The following FGF12 variants were observed in gnomAD, a reference collection of about 807,000 sequenced individuals.
FGF12 encodes the protein fibroblast growth factor 12B.
Under a neutral mutation model 23.6 loss-of-function variants are expected in FGF12, and 14 were observed. The ratio of observed to expected loss-of-function variants is 0.59; its 90% CI spans 0.39 to 0.93. The LOEUF (loss-of-function observed/expected upper bound fraction) is 0.93. Ranked by LOEUF, FGF12 falls within the 40% of genes least tolerant of loss-of-function variation. The pLI, the probability that FGF12 is intolerant of heterozygous loss-of-function variation, is 0.00. For synonymous variants in FGF12, 62 were observed against 77.3 expected (o/e 0.80, Z 1.04); for missense variants, 175 against 217.8 (o/e 0.80, Z 1.24).
At chr3:192,474,746 G>A (rs1205543232) in intron 2 of FGF12, among the ~76,000 whole-genome samples, 1 of 152,026 alleles carries the variant, frequency 6.6e-6, no homozygotes, top group Non-Finnish European at 1.5e-5. Flanking sequence ...TTAGCCAGGT[G>A]TGGTGATGTG....
intron 2 of FGF12, among the ~76,000 whole-genome samples, chr3:192,694,914 G>A (rs371852799): frequency 6.6e-6 from 1 of 152,028 alleles, no homozygotes; most frequent in African/African-American, 2.4e-5. Context: ...AGGGTAAAGA[G>A]TTGCAGTTGT....
At chr3:192,181,665 C>T (rs1716186654) in intron 4 of FGF12, among the ~76,000 whole-genome samples, 1 of 149,534 alleles carries the variant, frequency 6.7e-6, no homozygotes. Context: ...GGTTTCACTC[C>T]TGTTGCCCAG....
At chr3:192,538,529 G>T (rs1204073365) in intron 2 of FGF12, among the ~76,000 whole-genome samples, 4 of 152,202 alleles carry the variant, frequency 2.6e-5, no homozygotes, top group Admixed American at 6.5e-5. Flanking sequence ...TAGCTCTGTA[G>T]TACAATTTGA....
At chr3:192,244,920 T>G (rs1719807624) in intron 4 of FGF12, 2 of 152,192 alleles carry the variant, frequency 1.3e-5, no homozygotes, top group African/African-American at 4.8e-5. Context: ...CTATACAGAC[T>G]GGGGATTCTA....
chr3:192,472,125 T>C (rs1723192045), intron 2 of FGF12, among the ~76,000 whole-genome samples: 1 of 152,124 alleles, frequency 6.6e-6, no homozygotes, highest in Non-Finnish European at 1.5e-5. Flanking sequence ...CAAGCAATTC[T>C]CCTGCCTCAG....
chr3:192,201,341 A>G (rs1717356385), intron 4 of FGF12, among the ~76,000 whole-genome samples: 1 of 152,236 alleles, frequency 6.6e-6, no homozygotes, highest in South Asian at 2.1e-4. Flanking sequence ...TGAAATGGAA[A>G]TATTCAGAAA....
At chr3:192,315,221 C>T (rs550242996) in intron 4 of FGF12, among the ~76,000 whole-genome samples, 1 of 152,262 alleles carries the variant, frequency 6.6e-6, no homozygotes, top group South Asian at 2.1e-4. Flanking sequence ...TATCATTGTT[C>T]TTATTTGACC....
At chr3:192,392,338 G>A (rs943721570) in intron 2 of FGF12, among the ~76,000 whole-genome samples, 6 of 151,920 alleles carry the variant, frequency 3.9e-5, no homozygotes, top group African/African-American at 1.2e-4. Flanking sequence ...GGAGGCCAAG[G>A]TGGGCTGATC....
intron 2 of FGF12, among the ~76,000 whole-genome samples, chr3:192,613,404 A>G (rs1388084143): frequency 6.6e-6 from 1 of 151,950 alleles, no homozygotes; most frequent in Non-Finnish European, 1.5e-5. Context: ...GAACAGTACG[A>G]TGAGAAAGTG....
intron 4 of FGF12, among the ~76,000 whole-genome samples, chr3:192,186,401 T>C (rs1204772120): frequency 6.6e-6 from 1 of 152,240 alleles, no homozygotes; most frequent in Non-Finnish European, 1.5e-5. Context: ...TGCTGTTTGA[T>C]AAATACTTAG....
At chr3:192,285,690 G>A (rs1714408999) in intron 4 of FGF12, among the ~76,000 whole-genome samples, 1 of 151,984 alleles carries the variant, frequency 6.6e-6, no homozygotes, top group Admixed American at 6.6e-5. Flanking sequence ...TGGTGTTTAT[G>A]CTGTGAACCA....
At chr3:192,221,292 A>T (rs570328237) in intron 4 of FGF12, among the ~76,000 whole-genome samples, 2 of 152,356 alleles carry the variant, frequency 1.3e-5, no homozygotes, top group East Asian at 3.9e-4. Context: ...CTCACCTTAA[A>T]GCCACAAATT....
At chr3:192,537,587 GTCT>G (rs1420689184) in intron 2 of FGF12, among the ~76,000 whole-genome samples, 1 of 152,146 alleles carries the variant, frequency 6.6e-6, no homozygotes, top group Non-Finnish European at 1.5e-5. Flanking sequence ...CACTTCGCAT[GTCT>G]TCTTTTGAGA....
At chr3:192,662,892 C>T (rs1433623719) in intron 2 of FGF12, among the ~76,000 whole-genome samples, 2 of 152,194 alleles carry the variant, frequency 1.3e-5, no homozygotes, top group Admixed American at 6.5e-5. Flanking sequence ...CTCCAAAGAT[C>T]GTTGGGAGAC....
rs111447729 is a variant in FGF12, at chr3:192,564,037, G to GTT, written c.13+163142_13+163143dup. ...AAAATTAGACTATGTGTAGTTTTTT[G>GTT]TTTTTTTTTGTTTGTTTTTTGTTTT... On this transcript the variant is annotated intron_variant, in intron 2 of 5. Transcript: ENST00000445105. 3.5e-3 allele frequency among the ~76,000 whole-genome samples: 470 copies of GTT among 135,618 alleles called. 3 individuals are homozygous for GTT. The highest frequency in any genetic ancestry group is 0.013 in the African/African-American group (390 of 28,962). 89.0% of individuals were successfully genotyped at this position (135,618 alleles called of 152,430 possible). A position where few individuals can be genotyped will look rare whatever the true frequency, so the allele number is the denominator to read the frequency against.
chr3:192,385,954 G>A (rs1028548363), intron 2 of FGF12, among the ~76,000 whole-genome samples: 7 of 152,140 alleles, frequency 4.6e-5, no homozygotes, highest in African/African-American at 1.7e-4. Flanking sequence ...CCAGGACAAA[G>A]GCCCCTACCT....
At chr3:192,667,826 CA>C (rs1716950646) in intron 2 of FGF12, among the ~76,000 whole-genome samples, 6 of 151,864 alleles carry the variant, frequency 4.0e-5, no homozygotes, top group Non-Finnish European at 8.8e-5. Context: ...ACATTTTGAA[CA>C]TCATGTTATG....
intron 2 of FGF12, among the ~76,000 whole-genome samples, chr3:192,579,167 T>C (rs1383152045): frequency 6.6e-6 from 1 of 152,240 alleles, no homozygotes; most frequent in African/African-American, 2.4e-5. Flanking sequence ...CCATCTATGA[T>C]GTGTCTTCAT....
At chr3:192,525,630 T>C (rs2108848178) in intron 2 of FGF12, among the ~76,000 whole-genome samples, 1 of 152,334 alleles carries the variant, frequency 6.6e-6, no homozygotes, top group South Asian at 2.1e-4. Context: ...CCCTAAAGAA[T>C]GTGGCTCTTC....
Sources: gnomAD v4.1 joint callset for allele counts (sites outside exome capture counted in the v4.1 genomes callset) on GRCh38, gnomAD v4.1.1 for gene constraint, MANE v1.5 for transcripts, NCBI Gene and HGNC (gene_info 2026-07-23, HGNC 2026-07-21) for gene names.